SYT16: variants seen among roughly 807,000 people sequenced by gnomAD.
SYT16 encodes the protein synaptotagmin-16.
In SYT16, 42 loss-of-function variants were observed where a neutral mutation model predicts 61.4. The ratio of observed to expected loss-of-function variants is 0.68; its 90% CI spans 0.53 to 0.89. The LOEUF (loss-of-function observed/expected upper bound fraction) is 0.89. SYT16 is among the 40% of genes least tolerant of loss of function. The pLI, the probability that SYT16 is intolerant of heterozygous loss-of-function variation, is 0.00. For missense variants in SYT16, 804 were observed against 807.3 expected, an observed-to-expected ratio of 1.00 and a Z score of 0.05; for synonymous variants, 314 against 302.3, an observed-to-expected ratio of 1.04 and a Z score of -0.40.
At chr14:62,040,024 T>A (rs2054665872) in intron 3 of SYT16, among the ~76,000 whole-genome samples, 1 of 151,976 alleles carries the variant, frequency 6.6e-6, no homozygotes, top group Non-Finnish European at 1.5e-5. Flanking sequence ...ATCTTGGTTC[T>A]GCTTTTTTTT....
At chr14:62,019,340 A>G (rs1402377380) in intron 3 of SYT16, among the ~76,000 whole-genome samples, 2 of 152,232 alleles carry the variant, frequency 1.3e-5, no homozygotes, top group Non-Finnish European at 2.9e-5. Context: ...GAAATGAGTC[A>G]GTCCCATTTT....
At chr14:62,056,056 CTT>C (rs35847583) in intron 3 of SYT16, among the ~76,000 whole-genome samples, 13 of 139,008 alleles carry the variant, frequency 9.4e-5, no homozygotes, top group East Asian at 2.1e-4. Context: ...CTTCTCCCTG[CTT>C]TTTTTTTTTT....
At chr14:62,018,297 T>C (rs1595169060) in intron 3 of SYT16, among the ~76,000 whole-genome samples, 1 of 68,192 alleles carries the variant, frequency 1.5e-5, no homozygotes, top group Non-Finnish European at 2.7e-5. Context: ...TTCTTCTTCT[T>C]CTTTTTTTTT....
intron 1 of SYT16, among the ~76,000 whole-genome samples, chr14:61,944,112 A>C (rs2050322918): frequency 6.6e-6 from 1 of 152,218 alleles, no homozygotes; most frequent in African/African-American, 2.4e-5. Context: ...GAGCCAAATC[A>C]TGAGTGAATT....
At chr14:61,842,954 G>T (rs2046342353) in intron 1 of SYT16, among the ~76,000 whole-genome samples, 1 of 151,998 alleles carries the variant, frequency 6.6e-6, no homozygotes. Context: ...ATTTAAAAAA[G>T]TATCACATTT....
chr14:62,063,121 GA>G (rs2055900969), intron 3 of SYT16, among the ~76,000 whole-genome samples: 1 of 152,118 alleles, frequency 6.6e-6, no homozygotes, highest in Admixed American at 6.6e-5. Flanking sequence ...CCAGGCTTGG[GA>G]AAAAGGATTG....
chr14:61,894,682 G>C (rs2048264827), intron 1 of SYT16, among the ~76,000 whole-genome samples: 1 of 152,122 alleles, frequency 6.6e-6, no homozygotes, highest in African/African-American at 2.4e-5. Context: ...ATTATCTAGG[G>C]CCCAGTGTGG....
At chr14:62,025,237 A>G (rs547343531) in intron 3 of SYT16, among the ~76,000 whole-genome samples, 1 of 152,236 alleles carries the variant, frequency 6.6e-6, no homozygotes, top group African/African-American at 2.4e-5. Context: ...CATTCCCTCC[A>G]ACAATGAATG....
chr14:61,986,452 T>G (rs2052318042), intron 2 of SYT16, among the ~76,000 whole-genome samples: 2 of 149,756 alleles, frequency 1.3e-5, no homozygotes, highest in South Asian at 2.1e-4. Context: ...AATTTATATA[T>G]ATATATATTT....
chr14:61,891,999 C>T (rs557553391), intron 1 of SYT16, among the ~76,000 whole-genome samples: 11 of 152,210 alleles, frequency 7.2e-5, no homozygotes, highest in Admixed American at 3.3e-4. Context: ...CATCCAGGGG[C>T]GAGGCTGACT....
chr14:61,950,762 T>C (rs1235937451), intron 1 of SYT16, among the ~76,000 whole-genome samples: 1 of 152,142 alleles, frequency 6.6e-6, no homozygotes, highest in Non-Finnish European at 1.5e-5. Context: ...TGAAATGAAA[T>C]TAGCACAGAC....
rs184908199 is a variant in SYT16, at chr14:61,913,843, C to A, written c.-324-56289C>A. On this transcript the variant is annotated intron_variant, in intron 1 of 7. Transcript: ENST00000683842. Reference sequence around the variant, plus strand: ...GCTCATTCAGTTTAAAAGCCTGGGCCCAAACTTGGATTTTTCCAACATAGC... The same window carrying A: ...GCTCATTCAGTTTAAAAGCCTGGGCACAAACTTGGATTTTTCCAACATAGC... 1.2e-4 allele frequency among the ~76,000 whole-genome samples: 18 copies of A among 152,054 alleles called. 1 individual carries two copies. Among genetic ancestry groups the A allele is most frequent in the Admixed American group, 7.9e-4 (12 of 15,256 alleles).
At chr14:61,901,746 TA>T (rs1482810835) in intron 1 of SYT16, among the ~76,000 whole-genome samples, 2 of 146,196 alleles carry the variant, frequency 1.4e-5, no homozygotes, top group African/African-American at 2.6e-5. Context: ...CTGCTTATAA[TA>T]ATAATAATAA....
chr14:62,090,202 G>A (rs1252370969), intron 7 of SYT16, among the ~76,000 whole-genome samples: 1 of 152,196 alleles, frequency 6.6e-6, no homozygotes, highest in East Asian at 1.9e-4. Context: ...ATGTGTATAT[G>A]TACAGATATA....
intron 3 of SYT16, among the ~76,000 whole-genome samples, chr14:62,046,020 A>T (rs895137692): frequency 1.4e-4 from 22 of 152,330 alleles, no homozygotes; most frequent in African/African-American, 5.3e-4. Flanking sequence ...TCCCTGAGGA[A>T]TCGCCACACT....
At chr14:61,942,209 A>G (rs966768314) in intron 1 of SYT16, among the ~76,000 whole-genome samples, 2 of 152,110 alleles carry the variant, frequency 1.3e-5, no homozygotes, top group Non-Finnish European at 2.9e-5. Flanking sequence ...ATCATTTCTT[A>G]TTTTATAATA....
chr14:62,008,517 C>G lies in SYT16; in HGVS notation c.523+11975C>G, dbSNP rs2053314307. On this transcript the variant is annotated intron_variant, in intron 3 of 7. Coordinates refer to ENST00000683842, the MANE Select transcript of SYT16 (RefSeq NM_001367656.1). ...TTTATTTTAAAGAAGCCATCCAGGACAGAGGGAATTGAAATCCCCTAAGAA... is the reference window on the plus strand; with the variant it reads ...TTTATTTTAAAGAAGCCATCCAGGAGAGAGGGAATTGAAATCCCCTAAGAA... 2.0e-5 allele frequency among the ~76,000 whole-genome samples: 3 copies of G among 152,038 alleles called. No individual in the cohort carries two copies. The South Asian group carries it at 6.2e-4, about 32-fold the overall frequency.
At chr14:61,999,922 G>C (rs913266248) in intron 3 of SYT16, among the ~76,000 whole-genome samples, 7 of 151,300 alleles carry the variant, frequency 4.6e-5, no homozygotes, top group Admixed American at 4.6e-4. Context: ...CATACTTTCC[G>C]TTATTTTAGT....
chr14:62,075,604 TAA>T (rs376818967), intron 5 of SYT16, among the ~76,000 whole-genome samples: 27 of 61,332 alleles, frequency 4.4e-4, no homozygotes, highest in Non-Finnish European at 5.0e-4. Flanking sequence ...GGATGAACGG[TAA>T]AAAAAAAAAA....
Sources: gnomAD v4.1 joint callset for allele counts (sites outside exome capture counted in the v4.1 genomes callset) on GRCh38, gnomAD v4.1.1 for gene constraint, MANE v1.5 for transcripts, NCBI Gene and HGNC (gene_info 2026-07-23, HGNC 2026-07-21) for gene names.